The following ZNF708 variants were observed in gnomAD, a reference collection of about 807,000 sequenced individuals.
The protein encoded by ZNF708 is ZNF15, ZNF15L1.
A neutral mutation model predicts 47.0 loss-of-function variants in ZNF708; 44 were observed. The observed-to-expected ratio is 0.94, with a 90% confidence interval of 0.74 to 1.20. ZNF708 has a LOEUF of 1.20. ZNF708 is among the 50% of genes most tolerant of loss of function. ZNF708 has a pLI of 0.00. For synonymous variants in ZNF708, 184 were observed against 218.5 expected (o/e 0.84, Z 1.39); for missense variants, 557 against 656.0 (o/e 0.85, Z 1.65).
At chr19:21,312,799 A>C (rs942678445) in intron 1 of ZNF708, among the ~76,000 whole-genome samples, 2 of 152,238 alleles carry the variant, frequency 1.3e-5, no homozygotes, top group Non-Finnish European at 2.9e-5. Context: ...AGTCCCTTAC[A>C]CTCAGCACTC....
At chr19:21,300,039 C>T (rs1289501972) in intron 3 of ZNF708, among the ~76,000 whole-genome samples, 1 of 152,054 alleles carries the variant, frequency 6.6e-6, no homozygotes, top group Non-Finnish European at 1.5e-5. Context: ...AGGCTGGGTG[C>T]AGTGGCTCAT....
At chr19:21,326,389 A>C (rs1341919416) in intron 1 of ZNF708, among the ~76,000 whole-genome samples, 2 of 152,206 alleles carry the variant, frequency 1.3e-5, no homozygotes, top group African/African-American at 4.8e-5. Context: ...AGCCATAAAA[A>C]ATGAATTAAC....
At chr19:21,326,064 T>C (rs1973250566) in intron 1 of ZNF708, among the ~76,000 whole-genome samples, 3 of 152,134 alleles carry the variant, frequency 2.0e-5, no homozygotes, top group Admixed American at 2.0e-4. Context: ...CAAGAAACAG[T>C]AGATGTTGGC....
intron 1 of ZNF708, chr19:21,318,641 C>T (rs764725761): frequency 1.3e-5 from 2 of 152,210 alleles, no homozygotes; most frequent in Non-Finnish European, 1.5e-5. Flanking sequence ...TCTCTTCCAT[C>T]TCTGCTGCTC....
chr19:21,309,206 C>T, intron 3 of ZNF708, 40 bp downstream of exon 3: 4 of 1,518,054 alleles, frequency 2.6e-6, no homozygotes, highest in Non-Finnish European at 3.6e-6. Context: ...TACCTTTGGA[C>T]CTCACATCTG....
At chr19:21,326,255 C>G (rs1189350806) in intron 1 of ZNF708, among the ~76,000 whole-genome samples, 2 of 152,236 alleles carry the variant, frequency 1.3e-5, no homozygotes, top group Non-Finnish European at 2.9e-5. Flanking sequence ...GAAAAATATA[C>G]TTGCACACGC....
At chr19:21,325,716 G>C (rs1012226650) in intron 1 of ZNF708, among the ~76,000 whole-genome samples, 1 of 152,096 alleles carries the variant, frequency 6.6e-6, no homozygotes, top group African/African-American at 2.4e-5. Flanking sequence ...ATAAATATCA[G>C]GGACCTAATT....
At chr19:21,302,514 A>C (rs912973374) in intron 3 of ZNF708, among the ~76,000 whole-genome samples, 1 of 152,006 alleles carries the variant, frequency 6.6e-6, no homozygotes, top group African/African-American at 2.4e-5. Flanking sequence ...ACTGCCCAAC[A>C]TGGCAAAAAC....
intron 1 of ZNF708, among the ~76,000 whole-genome samples, chr19:21,321,117 G>A (rs1391572751): frequency 6.6e-6 from 1 of 151,950 alleles, no homozygotes; most frequent in Non-Finnish European, 1.5e-5. Context: ...CTCCAGCCTG[G>A]GAGACAGTGA....
chr19:21,305,416 A>G (rs763458039), intron 3 of ZNF708, among the ~76,000 whole-genome samples: 21 of 151,686 alleles, frequency 1.4e-4, no homozygotes, highest in Non-Finnish European at 2.7e-4. Flanking sequence ...TAAAAACCCT[A>G]ATCACACAGT....
chr19:21,324,158 G>C (rs991738369), intron 1 of ZNF708, among the ~76,000 whole-genome samples: 3 of 151,984 alleles, frequency 2.0e-5, no homozygotes, highest in Admixed American at 2.0e-4. Context: ...GCAGGAGAAT[G>C]GTGTGAACCC....
At chr19:21,315,273 A>G (rs1458096572) in intron 1 of ZNF708, among the ~76,000 whole-genome samples, 1 of 152,234 alleles carries the variant, frequency 6.6e-6, no homozygotes, top group African/African-American at 2.4e-5. Context: ...AGGGAGCTGT[A>G]GGATGTCTAT....
chr19:21,300,569 C>T (rs1447711979), intron 3 of ZNF708, among the ~76,000 whole-genome samples: 1 of 149,744 alleles, frequency 6.7e-6, no homozygotes, highest in Non-Finnish European at 1.5e-5. Context: ...ATTATATTGG[C>T]AGTAGACATA....
At chr19:21,307,903 TAC>T (rs1972818171) in intron 3 of ZNF708, among the ~76,000 whole-genome samples, 1 of 152,116 alleles carries the variant, frequency 6.6e-6, no homozygotes, top group African/African-American at 2.4e-5. Context: ...ATCTAATAAA[TAC>T]ACTCAGTAAA....
chr19:21,292,084 T>G lies in ZNF708; in HGVS notation c.*1190A>C, dbSNP rs1195198784. On this transcript the variant is annotated 3_prime_UTR_variant, in exon 4 of 4. Coordinates refer to ENST00000356929, the MANE Select transcript of ZNF708 (RefSeq NM_021269.3). ...GTCTCACTCTGTCACCCGGCTGGAG[T>G]GCAGTGGTGCAATCTCGGCTCACTA... 6.6e-6 allele frequency: 1 copy of G among 152,128 alleles called. No homozygotes were observed. Among genetic ancestry groups the G allele is most frequent in the Non-Finnish European group, 1.5e-5 (1 of 68,104 alleles). The allele number at this position is 152,128 out of a possible 1,614,324, so 9.4% of individuals were successfully genotyped here.
chr19:21,297,405 T>A (rs1183927394), intron 3 of ZNF708, among the ~76,000 whole-genome samples: 1 of 149,060 alleles, frequency 6.7e-6, no homozygotes, highest in Non-Finnish European at 1.5e-5. Context: ...TAATTTTTAC[T>A]ACATTAAAAT....
At chr19:21,310,924 C>T (rs1972886398) in intron 1 of ZNF708, among the ~76,000 whole-genome samples, 1 of 152,104 alleles carries the variant, frequency 6.6e-6, no homozygotes, top group Admixed American at 6.6e-5. Context: ...GCTATATATA[C>T]ATCATACAGA....
chr19:21,313,281 C>G (rs1383145912), intron 1 of ZNF708, among the ~76,000 whole-genome samples: 4 of 143,396 alleles, frequency 2.8e-5, no homozygotes, highest in Non-Finnish European at 4.6e-5. Flanking sequence ...GAGCAAGACC[C>G]TGTCTCAAAA....
In ZNF708 at chr19:21,292,160, T is replaced by C. The variant is rs1364471283; in HGVS notation, c.*1114A>G. The stretch of plus-strand genomic sequence containing the variant: ...GATTTTCCTGCCTCAGCGTCCCAAG[T>C]AGCTGAGACTACAGGCACGTGCCGC... On this transcript the variant is annotated 3_prime_UTR_variant, in exon 4 of 4. Transcript: ENST00000356929. 1.3e-5 allele frequency: 2 copies of C among 152,122 alleles called. No individual in the cohort carries two copies. Among genetic ancestry groups the C allele is most frequent in the Non-Finnish European group, 2.9e-5 (2 of 68,072 alleles). The allele number at this position is 152,122 out of a possible 1,614,324, so 9.4% of individuals were successfully genotyped here.
Sources: gnomAD v4.1 joint callset for allele counts (sites outside exome capture counted in the v4.1 genomes callset) on GRCh38, gnomAD v4.1.1 for gene constraint, MANE v1.5 for transcripts, NCBI Gene and HGNC (gene_info 2026-07-23, HGNC 2026-07-21) for gene names.